Variants in PCDH15 observed in about 807,000 individuals in gnomAD.
PCDH15 encodes protocadherin-15.
In PCDH15, 129 loss-of-function variants were observed where a neutral mutation model predicts 178.5. That is an observed-to-expected ratio of 0.72 (90% confidence interval 0.63 to 0.84). The LOEUF (loss-of-function observed/expected upper bound fraction) is 0.84. PCDH15 is among the 40% of genes least tolerant of loss of function. The probability of loss-of-function intolerance (pLI) is 0.00; values close to 1 mark genes in which losing one functional copy is unlikely to be tolerated. For missense variants in PCDH15, 2,230 were observed against 2,099.9 expected (o/e 1.06, Z -1.21); for synonymous variants, 800 against 732.0 (o/e 1.09, Z -1.50).
At chr10:54,523,235 G>T (rs1468475049) in intron 3 of PCDH15, among the ~76,000 whole-genome samples, 2 of 152,126 alleles carry the variant, frequency 1.3e-5, no homozygotes, top group African/African-American at 2.4e-5. Flanking sequence ...ATGGCAAGTT[G>T]CTTTGGTGGA....
Position 55,478,024 on chromosome 10 carries a change from A to G in PCDH15, c.-156+149601T>C, listed in dbSNP as rs116492426. 5.9e-3 allele frequency among the ~76,000 whole-genome samples: 902 copies of G among 152,048 alleles called. 13 individuals carry two copies. Among genetic ancestry groups the G allele is most frequent in the African/African-American group, 0.021 (858 of 41,546 alleles). Reference sequence around the variant, plus strand: ...ATACAAATGGAAACCAAAAAGTAGCAGGAGTAACTATACTTATATCAAATA... The same window carrying G: ...ATACAAATGGAAACCAAAAAGTAGCGGGAGTAACTATACTTATATCAAATA... On this transcript the variant is annotated intron_variant, in intron 2 of 5. Transcript: ENST00000613346.
intron 1 of PCDH15, among the ~76,000 whole-genome samples, chr10:54,760,870 T>C (rs900713469): frequency 6.6e-6 from 1 of 152,170 alleles, no homozygotes; most frequent in East Asian, 1.9e-4. Flanking sequence ...TTCAAATTTA[T>C]GCATGTTAAG....
At chr10:55,373,994 G>A (rs1212871138) in intron 2 of PCDH15, among the ~76,000 whole-genome samples, 1 of 151,628 alleles carries the variant, frequency 6.6e-6, no homozygotes, top group African/African-American at 2.4e-5. Context: ...TAATGTAGAT[G>A]ACAGGTTGAT....
chr10:55,035,922 G>T (rs1374731154), intron 2 of PCDH15, among the ~76,000 whole-genome samples: 1 of 151,958 alleles, frequency 6.6e-6, no homozygotes, highest in Non-Finnish European at 1.5e-5. Flanking sequence ...GAACGAGAAG[G>T]AATAAAATTA....
chr10:55,556,905 T>G (rs1842102098), intron 2 of PCDH15, among the ~76,000 whole-genome samples: 1 of 152,216 alleles, frequency 6.6e-6, no homozygotes, highest in African/African-American at 2.4e-5. Flanking sequence ...AATCATAATT[T>G]ATTAATCATG....
At chr10:53,950,152 T>A (rs990460198) in intron 23 of PCDH15, among the ~76,000 whole-genome samples, 7 of 152,034 alleles carry the variant, frequency 4.6e-5, no homozygotes, top group African/African-American at 1.7e-4. Context: ...TTCACATGTA[T>A]AATATTCTGA....
chr10:54,439,790 C>G (rs752476476), intron 3 of PCDH15, among the ~76,000 whole-genome samples: 4 of 151,956 alleles, frequency 2.6e-5, no homozygotes, highest in Non-Finnish European at 4.4e-5. Context: ...AATAACTTTG[C>G]TACCAGTTTC....
At position 53,840,226 on chromosome 10, in the gene PCDH15, G is replaced by A. The variant is rs547606428; in HGVS notation, c.3983+94C>T. On this transcript the variant is annotated intron_variant, in intron 29 of 37. Transcript: ENST00000644397. The stretch of plus-strand genomic sequence containing the variant: ...TTCACTTTCAGTAACTATTTGGTGG[G>A]TTTTAAACTTTAAGTACTTATAGCC... 3.5e-6 allele frequency: 5 copies of A among 1,417,804 alleles called. No individual in the cohort carries two copies. The East Asian group carries it at 1.1e-4, about 32-fold the overall frequency. The allele number at this position is 1,417,804 out of a possible 1,614,324, so 87.8% of individuals were successfully genotyped here.
intron 2 of PCDH15, among the ~76,000 whole-genome samples, chr10:55,008,153 A>T (rs1231085657): frequency 6.6e-6 from 1 of 152,152 alleles, no homozygotes; most frequent in Non-Finnish European, 1.5e-5. Context: ...TAAAGTTGCA[A>T]ATCTGGACTA....
intron 14 of PCDH15, among the ~76,000 whole-genome samples, chr10:54,147,179 C>T (rs532986466): frequency 1.3e-5 from 2 of 151,376 alleles, no homozygotes; most frequent in African/African-American, 4.8e-5. Context: ...ATATGATTAT[C>T]CTACAGTGAA....
intron 2 of PCDH15, among the ~76,000 whole-genome samples, chr10:55,581,005 A>G (rs1041939140): frequency 6.6e-6 from 1 of 152,138 alleles, no homozygotes; most frequent in South Asian, 2.1e-4. Flanking sequence ...TGCTTATCCA[A>G]TTCTCTGAAG....
At chr10:55,624,016 C>A (rs919122478) in intron 2 of PCDH15, among the ~76,000 whole-genome samples, 1 of 150,636 alleles carries the variant, frequency 6.6e-6, no homozygotes, top group East Asian at 1.9e-4. Flanking sequence ...AAACAAAATT[C>A]TTTATATTTT....
intron 15 of PCDH15, among the ~76,000 whole-genome samples, chr10:54,127,388 G>T (rs919440636): frequency 6.6e-6 from 1 of 152,168 alleles, no homozygotes; most frequent in Non-Finnish European, 1.5e-5. Context: ...GTAAGTGATT[G>T]TTCTTTTCAA....
chr10:55,298,466 GA>G (rs776374565), intron 1 of PCDH15, among the ~76,000 whole-genome samples: 52 of 152,270 alleles, frequency 3.4e-4, no homozygotes, highest in Non-Finnish European at 5.7e-4. Context: ...CTAAGTTAGT[GA>G]AAATTGAACT....
At chr10:54,998,642 ATTGGCAATT>A (rs1430833582) in intron 2 of PCDH15, among the ~76,000 whole-genome samples, 1 of 152,206 alleles carries the variant, frequency 6.6e-6, no homozygotes, top group Non-Finnish European at 1.5e-5. Flanking sequence ...AAAGAAATAC[ATTGGCAATT>A]TGGCAATTCT....
chr10:53,899,643 A>G (rs568712390), intron 26 of PCDH15, among the ~76,000 whole-genome samples: 1 of 152,300 alleles, frequency 6.6e-6, no homozygotes, highest in East Asian at 1.9e-4. Flanking sequence ...TTGTATAGCA[A>G]TTGGTAGAAA....
chr10:55,154,976 C>T (rs1359687309), intron 2 of PCDH15, among the ~76,000 whole-genome samples: 3 of 152,066 alleles, frequency 2.0e-5, no homozygotes, highest in Non-Finnish European at 4.4e-5. Context: ...CATTAACAGC[C>T]TCCTGCTATA....
At chr10:55,282,874 C>G (rs1842767688) in intron 1 of PCDH15, among the ~76,000 whole-genome samples, 1 of 152,136 alleles carries the variant, frequency 6.6e-6, no homozygotes, top group African/African-American at 2.4e-5. Flanking sequence ...CTAACCAACC[C>G]CATTTTGCTT....
chr10:54,795,403 A>C (rs1351154092), intron 1 of PCDH15, among the ~76,000 whole-genome samples: 1 of 151,880 alleles, frequency 6.6e-6, no homozygotes, highest in Non-Finnish European at 1.5e-5. Flanking sequence ...GTAGGGAGAT[A>C]TCTTTTCTAG....
Sources: gnomAD v4.1 joint callset for allele counts (sites outside exome capture counted in the v4.1 genomes callset) on GRCh38, gnomAD v4.1.1 for gene constraint, MANE v1.5 for transcripts, NCBI Gene and HGNC (gene_info 2026-07-23, HGNC 2026-07-21) for gene names.